COPB2: variants seen among roughly 807,000 people sequenced by gnomAD.
The protein encoded by COPB2 is coat protein complex I subunit beta 2.
A neutral mutation model predicts 120.8 loss-of-function variants in COPB2; 16 were observed. The observed-to-expected ratio is 0.13, with a 90% CI of 0.09 to 0.20. The LOEUF (loss-of-function observed/expected upper bound fraction) is 0.20. Among genes scored for constraint, COPB2 ranks in the 10% least tolerant of loss-of-function variants. The probability of loss-of-function intolerance (pLI) is 1.00; values close to 1 mark genes in which losing one functional copy is unlikely to be tolerated. For missense variants in COPB2, 794 were observed against 1,076.5 expected (o/e 0.74, Z 3.67); for synonymous variants, 332 against 366.3 (o/e 0.91, Z 1.07).
intron 15 of COPB2, among the ~76,000 whole-genome samples, chr3:139,363,426 TGAC>T (rs1373222228): frequency 6.6e-6 from 1 of 152,198 alleles, no homozygotes; most frequent in Non-Finnish European, 1.5e-5. Flanking sequence ...TCTTAATGCC[TGAC>T]GATCTGAGGT....
Position 139,367,272 on chromosome 3 carries a change from A to G in COPB2, c.1546-127T>C, listed in dbSNP as rs899092269. The G allele has an allele frequency of 5.6e-6, 6 of 1,068,132 alleles. No homozygotes were observed. In the Admixed American group the frequency reaches 1.9e-4, roughly 34 times the overall value. 66.2% of individuals were successfully genotyped at this position (1,068,132 alleles called of 1,614,324 possible). ...AAAGTAAAATCCTTCCTATTTCTAGAAAAAAAAAATTTTCCTTGGAATTTT... is the reference window on the plus strand; with the variant it reads ...AAAGTAAAATCCTTCCTATTTCTAGGAAAAAAAAATTTTCCTTGGAATTTT... On this transcript the variant is annotated intron_variant, in intron 13 of 21. Transcript: ENST00000333188.
chr3:139,377,948 G>A (rs565462640), intron 5 of COPB2, 93 bp downstream of exon 5: 2 of 1,220,094 alleles, frequency 1.6e-6, no homozygotes, highest in Admixed American at 2.9e-5. Flanking sequence ...AAATTTTTAA[G>A]ATGGGTACAT....
chr3:139,369,388 G>T (rs773493164), intron 11 of COPB2, 21 bp from the exon 12 acceptor site: 6 of 1,608,642 alleles, frequency 3.7e-6, no homozygotes, highest in Non-Finnish European at 5.1e-6. Flanking sequence ...CATAAAAAGA[G>T]TTTTGCTTAG....
chr3:139,367,055 A>C lies in COPB2; in HGVS notation c.1636T>G (p.Tyr546Asp). ...YTSSVNRLNY[Y>D]VGGEIVTIAH... ...ATGGTGACTATTTCTCCTCCAACAT[A>C]ATAATTTAATCTGTTCACAGAACTT... The change falls in exon 14 of 22, where the codon TAT becomes GAT. Residue 546 changes from tyrosine to aspartate, a missense_variant. This residue lies in a region of COPB2 where 610 missense variants were observed against 866.7 expected (regional missense o/e 0.70). Coordinates refer to ENST00000333188, the MANE Select transcript of COPB2 (RefSeq NM_004766.3). The C allele has an allele frequency of 6.2e-7, 1 of 1,613,704 alleles. No homozygotes were observed. Among genetic ancestry groups the C allele is most frequent in the Non-Finnish European group, 8.5e-7 (1 of 1,179,852 alleles).
chr3:139,364,996 C>T (rs559504360), intron 15 of COPB2, among the ~76,000 whole-genome samples: 108 of 152,074 alleles, frequency 7.1e-4, no homozygotes, highest in African/African-American at 2.4e-3. Flanking sequence ...TAGAAAGATA[C>T]GAGAAACTTT....
intron 1 of COPB2, chr3:139,385,473 G>A (rs1290630861): frequency 2.0e-5 from 3 of 152,156 alleles, no homozygotes; most frequent in Admixed American, 6.5e-5. Flanking sequence ...GGAGAAAAAT[G>A]GTAGATTTAT....
intron 2 of COPB2, chr3:139,380,701 C>T (rs1395330912): frequency 6.6e-6 from 1 of 152,228 alleles, no homozygotes; most frequent in Non-Finnish European, 1.5e-5. Context: ...TTCATAAGAA[C>T]TGTCCTACTC....
chr3:139,383,235 T>C (rs1319535558), intron 2 of COPB2, 63 bp downstream of exon 2: 8 of 1,566,854 alleles, frequency 5.1e-6, no homozygotes, highest in African/African-American at 1.4e-5. Flanking sequence ...ATTTCTTCTC[T>C]TTCATTATAA....
At chr3:139,379,272 C>G in intron 3 of COPB2, 99 bp from the exon 4 acceptor site, 1 of 1,555,758 alleles carries the variant, frequency 6.4e-7, no homozygotes, top group Non-Finnish European at 8.8e-7. Context: ...TGCCTCAAAA[C>G]ATTGCTGTAA....
rs762072047 is a variant in COPB2, at chr3:139,359,033, C to G, written c.2449G>C (p.Asp817His). Residue 817 changes from aspartate to histidine, a missense_variant, in exon 19 of 22, where the codon GAT becomes CAT. Asp to His is a moderately conservative substitution (Grantham distance 81). Transcript: ENST00000333188. ...VEEWVKETHA[D>H]LWPAKQYPLV... ...GGGTATTGTTTGGCTGGCCACAGAT[C>G]AGCATGTGTTTCCTTCACCCATTCT... 2.5e-6 allele frequency: 4 copies of G among 1,613,838 alleles called. No homozygotes were observed. Among genetic ancestry groups the G allele is most frequent in the Non-Finnish European group, 3.4e-6 (4 of 1,179,920 alleles).
chr3:139,378,556 C>T (rs1424392669), intron 4 of COPB2, among the ~76,000 whole-genome samples: 1 of 152,284 alleles, frequency 6.6e-6, no homozygotes, highest in African/African-American at 2.4e-5. Flanking sequence ...TTTGCCCTCA[C>T]AAGATTGGTT....
At chr3:139,373,911 C>T (rs763583542) in intron 7 of COPB2, 103 bp from the exon 8 acceptor site, 7 of 1,379,808 alleles carry the variant, frequency 5.1e-6, no homozygotes, top group African/African-American at 2.9e-5. Flanking sequence ...AAACAGATAA[C>T]ACTTCCTGGC....
At chr3:139,358,889 G>C in intron 19 of COPB2, 77 bp from the exon 20 acceptor site, 1 of 1,556,422 alleles carries the variant, frequency 6.4e-7, no homozygotes, top group Non-Finnish European at 8.9e-7. Flanking sequence ...CTAAATCCCA[G>C]ATATCAGCTC....
chr3:139,378,788 C>A (rs1941760199), intron 4 of COPB2, among the ~76,000 whole-genome samples: 1 of 152,206 alleles, frequency 6.6e-6, no homozygotes, highest in Non-Finnish European at 1.5e-5. Context: ...TTCTGTTCAG[C>A]AGATGTTTAA....
intron 7 of COPB2, 38 bp downstream of exon 7, chr3:139,374,451 G>A: frequency 6.5e-7 from 1 of 1,532,368 alleles, no homozygotes; most frequent in Non-Finnish European, 9.0e-7. Context: ...CCACTGAGTA[G>A]TTACTAGCAC....
At chr3:139,378,994 T>G in intron 4 of COPB2, 53 bp downstream of exon 4, 2 of 1,511,344 alleles carry the variant, frequency 1.3e-6, no homozygotes, top group Admixed American at 4.7e-5. Context: ...TCTCAGTGAA[T>G]GAAAATGAAT....
intron 15 of COPB2, among the ~76,000 whole-genome samples, chr3:139,363,963 A>G (rs543884751): frequency 6.6e-6 from 1 of 152,340 alleles, no homozygotes; most frequent in South Asian, 2.1e-4. Flanking sequence ...CCAAGGGCAA[A>G]ACACATGAAA....
intron 5 of COPB2, among the ~76,000 whole-genome samples, chr3:139,377,544 T>C (rs1941736582): frequency 6.6e-6 from 1 of 152,234 alleles, no homozygotes; most frequent in African/African-American, 2.4e-5. Context: ...TAGCCCAGGC[T>C]AGTCCTGGAA....
chr3:139,370,826 T>C (rs532518362), intron 10 of COPB2, among the ~76,000 whole-genome samples: 13 of 152,324 alleles, frequency 8.5e-5, no homozygotes, highest in African/African-American at 2.9e-4. Flanking sequence ...TCAACTATAA[T>C]TTTGCTTAAG....
Sources: gnomAD v4.1 joint callset for allele counts (sites outside exome capture counted in the v4.1 genomes callset) on GRCh38, gnomAD v4.1.1 for gene constraint, gnomAD v4.1.1 regional missense constraint, MANE v1.5 for transcripts, NCBI Gene and HGNC (gene_info 2026-07-23, HGNC 2026-07-21) for gene names.